The following SLC16A5 variants were observed in gnomAD, a reference collection of about 807,000 sequenced individuals.
SLC16A5 encodes monocarboxylate transporter 6.
A neutral mutation model predicts 33.2 loss-of-function variants in SLC16A5; 29 were observed. The observed-to-expected ratio is 0.87, with a 90% CI of 0.65 to 1.19. SLC16A5 has a LOEUF of 1.19. Ranked by LOEUF, SLC16A5 falls within the 50% of genes most tolerant of loss-of-function variation. SLC16A5 has a pLI of 0.00. For synonymous variants in SLC16A5, 248 were observed against 284.1 expected, an observed-to-expected ratio of 0.87 and a Z score of 1.28; for missense variants, 606 against 678.2, an observed-to-expected ratio of 0.89 and a Z score of 1.18.
intron 5 of SLC16A5, among the ~76,000 whole-genome samples, chr17:75,102,909 T>G (rs2073818188): frequency 6.8e-6 from 1 of 148,030 alleles, no homozygotes. Flanking sequence ...TTTTTTTTTT[T>G]GAGACAGAGT....
downstream of SLC16A5, among the ~76,000 whole-genome samples, chr17:75,107,297 C>T (rs527935154): frequency 3.3e-5 from 5 of 151,672 alleles, no homozygotes; most frequent in African/African-American, 7.3e-5. Context: ...CCTTGTCCCC[C>T]CTTCCCAAAA....
chr17:75,109,160 A>T (rs1164751737), downstream of SLC16A5, among the ~76,000 whole-genome samples: 1 of 152,140 alleles, frequency 6.6e-6, no homozygotes, highest in Non-Finnish European at 1.5e-5. This position sits in a 1 kb window ranked among gnomAD's most constrained non-coding sequence, Gnocchi z 5.0. Flanking sequence ...TCCGAGAAGG[A>T]ATCGGCCGAA....
At chr17:75,088,323 G>A (rs2073594953) in intron 1 of SLC16A5, among the ~76,000 whole-genome samples, 1 of 152,154 alleles carries the variant, frequency 6.6e-6, no homozygotes, top group Non-Finnish European at 1.5e-5. Context: ...GAGGAGCTCT[G>A]CCCCGGGGAG....
chr17:75,108,610 T>A (rs150402681), downstream of SLC16A5, among the ~76,000 whole-genome samples: 2 of 147,574 alleles, frequency 1.4e-5, no homozygotes, highest in Non-Finnish European at 3.1e-5. Context: ...AAGAAAATGA[T>A]ATCTATTTGG....
At chr17:75,097,684 G>A (rs1215825342) in intron 3 of SLC16A5, among the ~76,000 whole-genome samples, 1 of 152,194 alleles carries the variant, frequency 6.6e-6, no homozygotes, top group Non-Finnish European at 1.5e-5. Context: ...GACCCCCAGC[G>A]AAGTGGGGGA....
intron 3 of SLC16A5, among the ~76,000 whole-genome samples, chr17:75,096,532 CTT>C (rs371484359): frequency 1.0e-4 from 14 of 140,662 alleles, no homozygotes; most frequent in Admixed American, 2.2e-4. Flanking sequence ...TTGCTTTTTT[CTT>C]TTTTTTTTTT....
chr17:75,098,280 T>G lies in SLC16A5; in HGVS notation c.343+99T>G, dbSNP rs553490470. 6 of 1,505,560 alleles carry G rather than the reference T, an allele frequency of 4.0e-6. No homozygotes were observed. The East Asian group carries it at 9.4e-5, about 24-fold the overall frequency. 93.3% of individuals were successfully genotyped at this position (1,505,560 alleles called of 1,614,324 possible). A position where few individuals can be genotyped will look rare whatever the true frequency, so the allele number is the denominator to read the frequency against. Reference sequence around the variant, plus strand: ...AGGCCTCTTAATCTTCTGGAACTGCTGGCTGGGTGCGGTGGCTCACACCTG... The same window carrying G: ...AGGCCTCTTAATCTTCTGGAACTGCGGGCTGGGTGCGGTGGCTCACACCTG... On this transcript the variant is annotated intron_variant, in intron 4 of 6. Transcript: ENST00000329783.
intron 6 of SLC16A5, chr17:75,104,470 A>C: frequency 8.7e-7 from 1 of 1,153,606 alleles, no homozygotes; most frequent in South Asian, 1.9e-5. Context: ...CCCAGGCTGG[A>C]GTGCAGTGGC....
chr17:75,098,534 G>A (rs1252533280), intron 4 of SLC16A5, among the ~76,000 whole-genome samples: 2 of 152,072 alleles, frequency 1.3e-5, no homozygotes, highest in African/African-American at 4.8e-5. Flanking sequence ...CTCCAGCCTG[G>A]GCAACAGAGC....
At chr17:75,103,510 G>A (rs972815704) in intron 5 of SLC16A5, among the ~76,000 whole-genome samples, 3 of 141,880 alleles carry the variant, frequency 2.1e-5, no homozygotes, top group Admixed American at 7.1e-5. Context: ...TTGTAGTTTT[G>A]GTAGGAACAG....
At chr17:75,098,225 A>AAGTGCCAGGCACAAGTGGACAGGGCAGGC in intron 4 of SLC16A5, 44 bp downstream of exon 4, 1 of 1,609,540 alleles carries the variant, frequency 6.2e-7, no homozygotes, top group South Asian at 1.1e-5. Context: ...ACCTGCTAGA[A>AAGTGCCAGGCACAAGTGGACAGGGCAGGC]AGTGCCAGGC....
Position 75,093,422 on chromosome 17 carries a change from G to A in SLC16A5, c.-48-167G>A, listed in dbSNP as rs866768065. ...GGAAGTGGGTGAAAGGAGATGCCAA[G>A]GCCAACGCGTGGGCCTCTGGCCACC... On this transcript the variant is annotated intron_variant, in intron 2 of 6. Transcript: ENST00000329783. 18 of 1,535,782 alleles carry A rather than the reference G, an allele frequency of 1.2e-5. No individual in the cohort carries two copies. In the African/African-American group the frequency reaches 1.5e-4, roughly 13 times the overall value.
In SLC16A5 at chr17:75,098,181, G is replaced by A. The variant is rs114292104; in HGVS notation, c.343G>A (p.Gly115Ser). Reference protein sequence around the residue: ...QLYFTAGFITGLGMCFSFQSS... With the variant: ...QLYFTAGFITSLGMCFSFQSS... ...CTACTTCACAGCAGGATTCATCACAGGTGACTATCACTTCATCTCCAGAAT... is the reference window on the plus strand; with the variant it reads ...CTACTTCACAGCAGGATTCATCACAAGTGACTATCACTTCATCTCCAGAAT... The change falls in exon 4 of 7, where the codon GGC becomes AGC. Residue 115 changes from glycine (G) to serine (S), a missense_variant and splice_region_variant. Transcript: ENST00000329783. 4.6e-4 allele frequency: 746 copies of A among 1,612,942 alleles called. 1 individual carries two copies. In the African/African-American group the frequency reaches 8.8e-3, roughly 19 times the overall value.
rs958181431 is a variant in SLC16A5, at chr17:75,092,050, T to TGC, written c.-48-1538_-48-1537dup. ...GGGGGTGTGTGTGTGTGTGTGTGTG[T>TGC]GCACGCATGCGCAGATGTGCATGTC... On this transcript the variant is annotated intron_variant, in intron 2 of 6. Transcript: ENST00000329783. Among the ~76,000 whole-genome samples the TGC allele has an allele frequency of 4.8e-4, 73 of 151,816 alleles. 2 individuals carry two copies. In the South Asian group the frequency reaches 0.012, roughly 25 times the overall value.
At position 75,098,097 on chromosome 17, in the gene SLC16A5, G is replaced by T; in HGVS notation, c.259G>T (p.Gly87Cys). 6.2e-7 allele frequency: 1 copy of T among 1,609,976 alleles called. No homozygotes were observed. Among genetic ancestry groups the T allele is most frequent in the Non-Finnish European group, 8.5e-7 (1 of 1,178,438 alleles). The part of the protein sequence containing the change: ...FGCRVTVMLG[G>C]VLASLGMVAS... ...CTGCCGAGTGACCGTGATGCTGGGG[G>T]GCGTGCTGGCCAGCCTGGGCATGGT... Residue 87 changes from glycine to cysteine, a missense_variant, in exon 4 of 7, where the codon GGC (glycine) becomes TGC (cysteine). By Grantham distance (159) the Gly-to-Cys change is radical. Coordinates refer to ENST00000329783, the MANE Select transcript of SLC16A5 (RefSeq NM_004695.4).
intron 5 of SLC16A5, among the ~76,000 whole-genome samples, chr17:75,102,258 A>T (rs1388651233): frequency 6.6e-6 from 1 of 152,180 alleles, no homozygotes; most frequent in African/African-American, 2.4e-5. Flanking sequence ...AATACAAAAA[A>T]TTAGCCGGGT....
intron 5 of SLC16A5, among the ~76,000 whole-genome samples, chr17:75,101,217 C>T (rs1331763702): frequency 6.7e-6 from 1 of 149,492 alleles, no homozygotes; most frequent in African/African-American, 2.5e-5. Context: ...CCACTGCACT[C>T]CAGGCTGGGC....
intron 5 of SLC16A5, among the ~76,000 whole-genome samples, chr17:75,103,650 CAA>C (rs941844741): frequency 3.9e-5 from 6 of 152,214 alleles, no homozygotes; most frequent in African/African-American, 1.4e-4. Flanking sequence ...TTTAAGCAAA[CAA>C]GTGGGGAGAG....
chr17:75,094,801 G>C (rs762051296), intron 3 of SLC16A5, among the ~76,000 whole-genome samples: 16 of 152,130 alleles, frequency 1.1e-4, no homozygotes, highest in Non-Finnish European at 2.1e-4. Flanking sequence ...GGCAGCCCCT[G>C]TCTGCCCCTT....
Sources: gnomAD v4.1 joint callset for allele counts (sites outside exome capture counted in the v4.1 genomes callset) on GRCh38, gnomAD v4.1.1 for gene constraint, Gnocchi (gnomAD v3.1) non-coding constraint, MANE v1.5 for transcripts, NCBI Gene and HGNC (gene_info 2026-07-23, HGNC 2026-07-21) for gene names.